PTPRS: variants seen among roughly 807,000 people sequenced by gnomAD.
PTPRS encodes the protein protein tyrosine phosphatase receptor type S.
In PTPRS, 63 loss-of-function variants were observed where a neutral mutation model predicts 215.3. The observed-to-expected ratio is 0.29, with a 90% CI of 0.24 to 0.36. The LOEUF (loss-of-function observed/expected upper bound fraction) is 0.36. Ranked by LOEUF, PTPRS falls within the 10% of genes least tolerant of loss-of-function variation. PTPRS has a pLI of 1.00. For missense variants in PTPRS, 2,258 were observed against 2,825.8 expected (o/e 0.80, Z 4.56); for synonymous variants, 1,404 against 1,191.4 (o/e 1.18, Z -3.68).
chr19:5,263,056 A>C, intron 5 of PTPRS, 84 bp from the exon 6 acceptor site: 1 of 198,396 alleles, frequency 5.0e-6, no homozygotes, highest in East Asian at 7.4e-5. Context: ...CTCAGCGAGG[A>C]GGGGAGGGCG....
At chr19:5,269,566 C>T (rs2146492854) in intron 4 of PTPRS, among the ~76,000 whole-genome samples, 1 of 152,032 alleles carries the variant, frequency 6.6e-6, no homozygotes, top group Non-Finnish European at 1.5e-5. Context: ...GCCCCGGGCC[C>T]CAGCAGGAAG....
rs139391513 is a variant in PTPRS, at chr19:5,228,874, AC to A, written c.2376+441del. On this transcript the variant is annotated intron_variant, in intron 16 of 37. Coordinates refer to ENST00000262963, the MANE Select transcript of PTPRS (RefSeq NM_002850.4). ...TCACCCGGGGGCCAGAATGAAGACG[AC>A]AGCATATCCAGAGAGAGGCATTTCT... 3.3e-3 allele frequency among the ~76,000 whole-genome samples: 507 copies of A among 152,352 alleles called. 6 individuals carry two copies. The East Asian group carries it at 0.038, about 11-fold the overall frequency.
intron 10 of PTPRS, among the ~76,000 whole-genome samples, chr19:5,245,146 A>ATTT (rs74173042): frequency 7.3e-6 from 1 of 136,164 alleles, no homozygotes; most frequent in African/African-American, 2.7e-5. Context: ...CGCCCAGCTA[A>ATTT]TTTTTTTTTT....
chr19:5,216,767 TC>T lies in PTPRS; in HGVS notation c.4049-1del. 2 of 1,564,448 alleles carry T rather than the reference TC, an allele frequency of 1.3e-6. No homozygotes were observed. Among genetic ancestry groups the T allele is most frequent in the Non-Finnish European group, 1.7e-6 (2 of 1,151,572 alleles). Reference sequence around the variant, plus strand: ...CCTGAGGGGGCTCCTGAGGCCTGAATCTGCAAACAGCAAACAATAAATAAAT... The same window carrying T: ...CCTGAGGGGGCTCCTGAGGCCTGAATTGCAAACAGCAAACAATAAATAAAT... On this transcript the variant is annotated splice_acceptor_variant, in intron 25 of 37. Coordinates refer to ENST00000262963, the MANE Select transcript of PTPRS (RefSeq NM_002850.4). LOFTEE classifies it high-confidence loss of function.
At chr19:5,275,019 T>C (rs2047237324) in intron 2 of PTPRS, among the ~76,000 whole-genome samples, 2 of 151,612 alleles carry the variant, frequency 1.3e-5, no homozygotes, top group Admixed American at 6.6e-5. Flanking sequence ...ATTTAATATT[T>C]AACCTCTCCA....
At position 5,213,004 on chromosome 19, in the gene PTPRS, G is replaced by A. The variant is rs1029154964; in HGVS notation, c.4615-513C>T. Among the ~76,000 whole-genome samples, 12 of 152,152 alleles carry A rather than the reference G, an allele frequency of 7.9e-5. 1 individual carries two copies. The highest frequency in any genetic ancestry group is 1.3e-4 in the Admixed American group (2 of 15,290). ...GCCTTCTCCCCAAACCTGCTCCCCCGTCTTAGCTGAAGGTGGCTCCAACCT... is the reference window on the plus strand; with the variant it reads ...GCCTTCTCCCCAAACCTGCTCCCCCATCTTAGCTGAAGGTGGCTCCAACCT... On this transcript the variant is annotated intron_variant, in intron 30 of 37. Coordinates refer to ENST00000262963, the MANE Select transcript of PTPRS (RefSeq NM_002850.4).
chr19:5,280,852 C>G (rs1005504669), intron 2 of PTPRS, among the ~76,000 whole-genome samples: 27 of 151,436 alleles, frequency 1.8e-4, no homozygotes, highest in African/African-American at 6.6e-4. Flanking sequence ...AATGCAGTGG[C>G]GTAATCTTGG....
At chr19:5,207,420 T>C (rs754958949) in intron 37 of PTPRS, among the ~76,000 whole-genome samples, 13 of 152,234 alleles carry the variant, frequency 8.5e-5, no homozygotes, top group Non-Finnish European at 1.6e-4. Flanking sequence ...GGGGTCTTTC[T>C]GTGTTGCCCA....
rs578176484 is a variant in PTPRS, at chr19:5,257,909, T to C, written c.706+108A>G. On this transcript the variant is annotated intron_variant, in intron 8 of 37. Transcript: ENST00000262963. This position sits in a 1 kb window ranked among gnomAD's most constrained non-coding sequence, Gnocchi z 4.4. ...CACCGCGACCGGGGAGGGGCCTTCC[T>C]GCTTGGGTGTGCAGGGGACGGGGGA... is the stretch of plus-strand genomic sequence containing the variant. 1.8e-5 allele frequency: 17 copies of C among 925,878 alleles called. No homozygotes were observed. Among genetic ancestry groups the C allele is most frequent in the African/African-American group, 3.3e-5 (2 of 60,686 alleles). The allele number at this position is 925,878 out of a possible 1,614,324, so 57.4% of individuals were successfully genotyped here. A position where few individuals can be genotyped will look rare whatever the true frequency, so the allele number is the denominator to read the frequency against.
chr19:5,305,137 C>T (rs2049437920), intron 1 of PTPRS, among the ~76,000 whole-genome samples: 1 of 152,216 alleles, frequency 6.6e-6, no homozygotes, highest in South Asian at 2.1e-4. Context: ...AAGCACTTAG[C>T]AGGAGCAAAA....
intron 1 of PTPRS, among the ~76,000 whole-genome samples, chr19:5,305,250 G>A (rs1223944736): frequency 6.6e-6 from 1 of 152,112 alleles, no homozygotes; most frequent in Non-Finnish European, 1.5e-5. Context: ...ATTCTCCTCA[G>A]AACAGCTATT....
chr19:5,231,086 G>A (rs1466203938), intron 14 of PTPRS, among the ~76,000 whole-genome samples: 2 of 152,222 alleles, frequency 1.3e-5, no homozygotes, highest in African/African-American at 4.8e-5. Context: ...CCAGGCACGA[G>A]GCTCTGGGAG....
At position 5,224,013 on chromosome 19, in the gene PTPRS, T is replaced by A. The variant is rs571599622; in HGVS notation, c.2495-716A>T. The stretch of plus-strand genomic sequence containing the variant: ...GGCCAACATGGTGAAACCCTGTCTC[T>A]ACTAAAAATACAAAAATGAGCCGGG... On this transcript the variant is annotated intron_variant, in intron 17 of 37. Coordinates refer to ENST00000262963, the MANE Select transcript of PTPRS (RefSeq NM_002850.4). Among the ~76,000 whole-genome samples the A allele has an allele frequency of 4.6e-5, 7 of 151,700 alleles. No homozygotes were observed. The East Asian group carries it at 1.4e-3, about 30-fold the overall frequency.
chr19:5,214,105 A>G (rs10426383), intron 30 of PTPRS, among the ~76,000 whole-genome samples: 118,596 of 152,166 alleles, frequency 0.78, 47,156 homozygotes, highest in African/African-American at 0.94. Flanking sequence ...AAAGGCAAGA[A>G]GAAATCAGGC....
chr19:5,251,419 G>A (rs8103481), intron 9 of PTPRS, among the ~76,000 whole-genome samples: 6,020 of 147,234 alleles, frequency 0.041, 154 homozygotes, highest in Middle Eastern at 0.083. Context: ...CTTTGGATGC[G>A]CTCTAGATAC....
intron 11 of PTPRS, among the ~76,000 whole-genome samples, chr19:5,241,141 G>T (rs1035541614): frequency 2.0e-5 from 3 of 150,184 alleles, no homozygotes; most frequent in East Asian, 4.1e-4. Context: ...CTCCTGCCTC[G>T]GCCTCCCAAA....
intron 4 of PTPRS, chr19:5,272,998 A>C: frequency 5.2e-6 from 1 of 193,280 alleles, no homozygotes; most frequent in Non-Finnish European, 1.1e-5. Context: ...GCAGTGGGGG[A>C]AGTCTCACTA....
intron 2 of PTPRS, among the ~76,000 whole-genome samples, chr19:5,284,963 CA>C (rs1163038198): frequency 3.3e-5 from 5 of 151,810 alleles, no homozygotes; most frequent in Non-Finnish European, 7.4e-5. Context: ...GAAAAAACGA[CA>C]ATAAAAAAAG....
intron 1 of PTPRS, among the ~76,000 whole-genome samples, chr19:5,309,377 ACT>A (rs1270459867): frequency 6.6e-6 from 1 of 152,050 alleles, no homozygotes; most frequent in Non-Finnish European, 1.5e-5. Flanking sequence ...TATGCAGGCC[ACT>A]CTCTAAGTGC....
Sources: allele counts gnomAD v4.1 joint callset (sites outside exome capture counted in the v4.1 genomes callset), GRCh38; gene constraint gnomAD v4.1.1; non-coding constraint Gnocchi (gnomAD v3.1); transcripts MANE v1.5; gene names NCBI Gene and HGNC (gene_info 2026-07-23, HGNC 2026-07-21).